The following CSK variants were observed in gnomAD, a reference collection of about 807,000 sequenced individuals.
The protein encoded by CSK is C-terminal Src kinase.
A neutral mutation model predicts 62.3 loss-of-function variants in CSK; 7 were observed. The ratio of observed to expected loss-of-function variants is 0.11; its 90% CI spans 0.06 to 0.21. The LOEUF is 0.21. Ranked by LOEUF, CSK falls within the 10% of genes least tolerant of loss-of-function variation. The probability of loss-of-function intolerance (pLI) is 1.00; values close to 1 mark genes in which losing one functional copy is unlikely to be tolerated. For synonymous variants in CSK, 237 were observed against 246.0 expected, an observed-to-expected ratio of 0.96 and a Z score of 0.34; for missense variants, 294 against 613.5, an observed-to-expected ratio of 0.48 and a Z score of 5.50.
chr15:74,802,669 T>C lies in CSK; in HGVS notation c.*156T>C. 1 of 903,704 alleles carries C rather than the reference T, an allele frequency of 1.1e-6. No homozygotes were observed. Among genetic ancestry groups the C allele is most frequent in the Non-Finnish European group, 1.6e-6 (1 of 629,894 alleles). The allele number at this position is 903,704 out of a possible 1,614,324, so 56.0% of individuals were successfully genotyped here. A position where few individuals can be genotyped will look rare whatever the true frequency, so the allele number is the denominator to read the frequency against. On this transcript the variant is annotated 3_prime_UTR_variant, in exon 13 of 13. Transcript: ENST00000220003. The stretch of plus-strand genomic sequence containing the variant: ...CAGCCTGCACCCCTCCGGCCCCGTC[T>C]CTCTTGGACCCACCTGTGGGGCCTG...
chr15:74,800,066 G>T (rs2063765071), intron 5 of CSK, among the ~76,000 whole-genome samples: 1 of 152,170 alleles, frequency 6.6e-6, no homozygotes, highest in South Asian at 2.1e-4. Flanking sequence ...TACTGGCCTG[G>T]CTTGGCCTGT....
At position 74,800,052 on chromosome 15, in the gene CSK, C is replaced by A. The variant is rs2063764924; in HGVS notation, c.463-360C>A. On this transcript the variant is annotated intron_variant, in intron 5 of 12. Coordinates refer to ENST00000220003, the MANE Select transcript of CSK (RefSeq NM_004383.3). ...CCTCTGTATTCACTCTTATCTCCCT[C>A]CCCTACTGGCCTGGCTTGGCCTGTG... is the stretch of plus-strand genomic sequence containing the variant. 2.6e-5 allele frequency among the ~76,000 whole-genome samples: 4 copies of A among 152,334 alleles called. No homozygotes were observed. In the South Asian group the frequency reaches 8.3e-4, roughly 32 times the overall value.
chr15:74,791,486 C>G (rs923282138), intron 1 of CSK, among the ~76,000 whole-genome samples: 8 of 152,090 alleles, frequency 5.3e-5, no homozygotes, highest in Admixed American at 3.9e-4. Context: ...GCGTGTATCT[C>G]TTATATAATC....
At chr15:74,788,737 G>A (rs2168518) in intron 1 of CSK, 67,073 of 154,224 alleles carry the variant, frequency 0.43, 19,040 homozygotes, top group Non-Finnish European at 0.66. Context: ...GCCTCCAGCC[G>A]TCAGTCTCCC....
At chr15:74,783,301 G>A (rs896816999) in intron 1 of CSK, among the ~76,000 whole-genome samples, 9 of 152,204 alleles carry the variant, frequency 5.9e-5, no homozygotes, top group African/African-American at 2.2e-4. Flanking sequence ...CCTTCTGCCC[G>A]GGGGGAGGTA....
At chr15:74,787,766 G>A (rs2063546122) in intron 1 of CSK, among the ~76,000 whole-genome samples, 1 of 152,112 alleles carries the variant, frequency 6.6e-6, no homozygotes, top group South Asian at 2.1e-4. Flanking sequence ...TGGCATGGTT[G>A]TAAGCCTCGT....
chr15:74,790,268 G>A (rs557961429), intron 1 of CSK, among the ~76,000 whole-genome samples: 1 of 152,208 alleles, frequency 6.6e-6, no homozygotes, highest in South Asian at 2.1e-4. Context: ...AGGCTCCCAC[G>A]CCCCATTAGG....
chr15:74,787,461 G>A lies in CSK; in HGVS notation c.-66+4741G>A, dbSNP rs189948172. 1.9e-3 allele frequency among the ~76,000 whole-genome samples: 296 copies of A among 152,234 alleles called. 2 individuals carry two copies. The highest frequency in any genetic ancestry group is 7.0e-3 in the African/African-American group (289 of 41,532). On this transcript the variant is annotated intron_variant, in intron 1 of 12. Coordinates refer to ENST00000220003, the MANE Select transcript of CSK (RefSeq NM_004383.3). ...AAAAAAAATCCCATTTTTCCCATGGGGAAACTGAGGCCCAGAAAGGAGAAG... is the reference window on the plus strand; with the variant it reads ...AAAAAAAATCCCATTTTTCCCATGGAGAAACTGAGGCCCAGAAAGGAGAAG...
intron 4 of CSK, 104 bp downstream of exon 4, chr15:74,799,042 G>A: frequency 8.7e-7 from 1 of 1,155,090 alleles, no homozygotes. Context: ...GGGTGTTGGG[G>A]AGGGCCTCAG....
rs2063804086 is a variant in CSK, at chr15:74,802,250, G to T, written c.1171-81G>T. The T allele has an allele frequency of 2.7e-6, 4 of 1,460,256 alleles. No homozygotes were observed. The East Asian group carries it at 6.8e-5, about 25-fold the overall frequency. The allele number at this position is 1,460,256 out of a possible 1,614,324, so 90.5% of individuals were successfully genotyped here. A position where few individuals can be genotyped will look rare whatever the true frequency, so the allele number is the denominator to read the frequency against. On this transcript the variant is annotated intron_variant, in intron 12 of 12. Transcript: ENST00000220003. Reference sequence around the variant, plus strand: ...GGCCTGGGTCTGCGGCAAAGCTGATGGGCATCCCTGAGAGGCTGCTGGGTA... The same window carrying T: ...GGCCTGGGTCTGCGGCAAAGCTGATTGGCATCCCTGAGAGGCTGCTGGGTA...
At chr15:74,791,610 A>G (rs896143684) in intron 1 of CSK, among the ~76,000 whole-genome samples, 1 of 152,196 alleles carries the variant, frequency 6.6e-6, no homozygotes, top group Non-Finnish European at 1.5e-5. Context: ...ACCCCTTGAT[A>G]TAGAATTCAA....
At chr15:74,800,208 T>G (rs2063767360) in intron 5 of CSK, among the ~76,000 whole-genome samples, 1 of 152,156 alleles carries the variant, frequency 6.6e-6, no homozygotes, top group African/African-American at 2.4e-5. Flanking sequence ...AGCAACCGCA[T>G]GTAGGGTGGC....
At chr15:74,800,595 C>A (rs2063775049) in intron 6 of CSK, 86 bp from the exon 7 acceptor site, 3 of 1,546,774 alleles carry the variant, frequency 1.9e-6, no homozygotes, top group Admixed American at 1.9e-5. Context: ...CTCCAGAGAA[C>A]CCCAGTGCCT....
intron 1 of CSK, among the ~76,000 whole-genome samples, chr15:74,789,618 C>G (rs951888729): frequency 2.0e-5 from 3 of 152,232 alleles, no homozygotes; most frequent in African/African-American, 7.2e-5. Flanking sequence ...CCTGTAGGCC[C>G]TGCTCGGAGG....
chr15:74,794,812 C>T (rs2063680480), intron 1 of CSK, among the ~76,000 whole-genome samples: 1 of 152,114 alleles, frequency 6.6e-6, no homozygotes, highest in Admixed American at 6.5e-5. Flanking sequence ...CTGGCCGTCT[C>T]CTCCCCAGCT....
rs929779823 is a variant in CSK, at chr15:74,800,766, C to CT, written c.622+21dup. 3.8e-6 allele frequency: 6 copies of CT among 1,583,924 alleles called. No homozygotes were observed. Among genetic ancestry groups the CT allele is most frequent in the East Asian group, 4.6e-5 (2 of 43,184 alleles). On this transcript the variant is annotated intron_variant, in intron 7 of 12. Transcript: ENST00000220003. ...TCGGAGGTGAGCTGGGCCGGGCCCC[C>CT]TGGGGGGGTTCTGAGGGACTCCGAA... is the stretch of plus-strand genomic sequence containing the variant.
chr15:74,801,501 G>A lies in CSK; in HGVS notation c.814-21G>A, dbSNP rs371573446. The A allele has an allele frequency of 2.5e-6, 4 of 1,607,030 alleles. No individual in the cohort carries two copies. In the African/African-American group the frequency reaches 4.0e-5, roughly 16 times the overall value. Reference sequence around the variant, plus strand: ...GCAGGGCACGTCTGACCTCGGCCTGGTCTGTCCTTCCTGCCCCCAGGGGAG... The same window carrying A: ...GCAGGGCACGTCTGACCTCGGCCTGATCTGTCCTTCCTGCCCCCAGGGGAG... On this transcript the variant is annotated intron_variant, in intron 9 of 12. Transcript: ENST00000220003.
intron 1 of CSK, among the ~76,000 whole-genome samples, chr15:74,791,739 G>A (rs2063623799): frequency 6.6e-6 from 1 of 152,188 alleles, no homozygotes; most frequent in East Asian, 1.9e-4. Context: ...GTCCGGGCCA[G>A]TTGTTCTGGA....
chr15:74,797,138 C>T (rs2063718831), intron 1 of CSK, among the ~76,000 whole-genome samples: 1 of 152,078 alleles, frequency 6.6e-6, no homozygotes, highest in Admixed American at 6.5e-5. Context: ...GACCGGGTTT[C>T]GCCATGTTGC....
Sources: allele counts gnomAD v4.1 joint callset (sites outside exome capture counted in the v4.1 genomes callset), GRCh38; gene constraint gnomAD v4.1.1; transcripts MANE v1.5; gene names NCBI Gene and HGNC (gene_info 2026-07-23, HGNC 2026-07-21).